The following GABRB3 variants were observed in gnomAD, a reference collection of about 807,000 sequenced individuals.
The protein encoded by GABRB3 is gamma-aminobutyric acid receptor subunit beta-3.
Under a neutral mutation model 52.1 loss-of-function variants are expected in GABRB3, and 14 were observed. The ratio of observed to expected loss-of-function variants is 0.27; its 90% CI spans 0.18 to 0.42. GABRB3 has a LOEUF of 0.42. Among genes scored for constraint, GABRB3 ranks in the 10% least tolerant of loss-of-function variants. The probability of loss-of-function intolerance (pLI) is 1.00; values close to 1 mark genes in which losing one functional copy is unlikely to be tolerated. For synonymous variants in GABRB3, 260 were observed against 232.3 expected, an observed-to-expected ratio of 1.12 and a Z score of -1.08; for missense variants, 307 against 609.1, an observed-to-expected ratio of 0.50 and a Z score of 5.22.
chr15:26,708,675 AAAAG>A (rs1889185928), intron 3 of GABRB3, among the ~76,000 whole-genome samples: 1 of 152,258 alleles, frequency 6.6e-6, no homozygotes, highest in Non-Finnish European at 1.5e-5. Flanking sequence ...CAGCATGTGC[AAAAG>A]ACCTGAAGTG....
In GABRB3 at chr15:26,728,312, T is replaced by C. The variant is rs151137410; in HGVS notation, c.240+44090A>G. ...AAATGAGCAAAGTGTCCCCTCCATG[T>C]ATTCTGGTTCCCACACATATGGAGA... On this transcript the variant is annotated intron_variant, in intron 3 of 8. Coordinates refer to ENST00000311550, the MANE Select transcript of GABRB3 (RefSeq NM_000814.6). Among the ~76,000 whole-genome samples the C allele has an allele frequency of 9.5e-4, 145 of 152,344 alleles. 1 individual carries two copies. Among genetic ancestry groups the C allele is most frequent in the African/African-American group, 3.3e-3 (136 of 41,582 alleles).
intron 3 of GABRB3, among the ~76,000 whole-genome samples, chr15:26,741,048 GT>G (rs1890194879): frequency 4.9e-5 from 1 of 20,340 alleles, no homozygotes; most frequent in Admixed American, 1.2e-3. Flanking sequence ...AGGAATAAGT[GT>G]GTGTGTGTGT....
intron 3 of GABRB3, among the ~76,000 whole-genome samples, chr15:26,648,756 G>A (rs868681166): frequency 3.9e-5 from 6 of 152,234 alleles, no homozygotes; most frequent in African/African-American, 1.2e-4. Context: ...TCAGCAGGGC[G>A]AGGCAGGAGA....
At chr15:26,643,091 ACT>A (rs1021163042) in intron 3 of GABRB3, among the ~76,000 whole-genome samples, 6 of 152,022 alleles carry the variant, frequency 3.9e-5, no homozygotes, top group East Asian at 1.9e-4. Flanking sequence ...TCCATTCTGC[ACT>A]CTGTCAGTTG....
chr15:26,772,368 G>C, intron 3 of GABRB3, 34 bp downstream of exon 3: 1 of 1,575,376 alleles, frequency 6.3e-7, no homozygotes, highest in South Asian at 1.1e-5. Flanking sequence ...CGGGCCGGGG[G>C]CTCAGGGACC....
chr15:26,609,715 G>A (rs1269382939), intron 4 of GABRB3, among the ~76,000 whole-genome samples: 1 of 152,164 alleles, frequency 6.6e-6, no homozygotes, highest in Admixed American at 6.6e-5. Flanking sequence ...CTATTGAAGA[G>A]CATGGTGAAT....
chr15:26,746,851 G>A lies in GABRB3; in HGVS notation c.240+25551C>T, dbSNP rs752674595. Among the ~76,000 whole-genome samples, 78 of 152,202 alleles carry A rather than the reference G, an allele frequency of 5.1e-4. 1 individual carries two copies. The highest frequency in any genetic ancestry group is 8.8e-4 in the Non-Finnish European group (60 of 68,006). On this transcript the variant is annotated intron_variant, in intron 3 of 8. Coordinates refer to ENST00000311550, the MANE Select transcript of GABRB3 (RefSeq NM_000814.6). The stretch of plus-strand genomic sequence containing the variant: ...AAATACAAAAAATTAGCCGGGCGTG[G>A]TGGCGGGCACCTGTAGTCCAGCTAA...
intron 3 of GABRB3, among the ~76,000 whole-genome samples, chr15:26,669,924 C>T (rs990294650): frequency 6.6e-6 from 1 of 152,220 alleles, no homozygotes; most frequent in Non-Finnish European, 1.5e-5. Context: ...GCCTTTTGGG[C>T]ATTCTCCTGA....
At chr15:26,702,621 A>G (rs1298032170) in intron 3 of GABRB3, among the ~76,000 whole-genome samples, 1 of 152,214 alleles carries the variant, frequency 6.6e-6, no homozygotes, top group Non-Finnish European at 1.5e-5. Context: ...ACATAAAATG[A>G]TACTATCACA....
rs1429874251 is a variant in GABRB3, at chr15:26,702,274, T to C, written c.240+70128A>G. On this transcript the variant is annotated intron_variant, in intron 3 of 8. Coordinates refer to ENST00000311550, the MANE Select transcript of GABRB3 (RefSeq NM_000814.6). ...TCTTTTGAAACATACAGTACACTGC[T>C]AAAAGAGGATGAAAACACAGACTGG... Among the ~76,000 whole-genome samples, 7 of 152,182 alleles carry C rather than the reference T, an allele frequency of 4.6e-5. 2 individuals carry two copies. In the South Asian group the frequency reaches 1.2e-3, roughly 27 times the overall value.
chr15:26,756,880 T>C (rs760351900), intron 3 of GABRB3, among the ~76,000 whole-genome samples: 4 of 152,134 alleles, frequency 2.6e-5, no homozygotes, highest in Non-Finnish European at 5.9e-5. Flanking sequence ...TGAAAACCCC[T>C]GGAGATTCTT....
chr15:26,710,714 A>G (rs1889264843), intron 3 of GABRB3, among the ~76,000 whole-genome samples: 1 of 152,226 alleles, frequency 6.6e-6, no homozygotes, highest in South Asian at 2.1e-4. Flanking sequence ...CCTAATACTT[A>G]GTATTGTCAA....
chr15:26,621,442 T>A lies in GABRB3; in HGVS notation c.333A>T (p.Arg111=). 6.2e-7 allele frequency: 1 copy of A among 1,614,118 alleles called. No homozygotes were observed. Residue 111 remains arginine, a synonymous_variant, in exon 4 of 9, where the codon CGA becomes CGT. Coordinates refer to ENST00000311550, the MANE Select transcript of GABRB3 (RefSeq NM_000814.6). The surrounding 1 kb of genome is among the most constrained non-coding windows in gnomAD (Gnocchi z 4.1). ...GIPLNLTLDN[R]VADQLWVPDT... Reference sequence around the variant, plus strand: ...CGGGCACCCATAGCTGGTCAGCCACTCGATTGTCAAGCGTGAGGTTGAGAG... The same window carrying A: ...CGGGCACCCATAGCTGGTCAGCCACACGATTGTCAAGCGTGAGGTTGAGAG...
intron 3 of GABRB3, among the ~76,000 whole-genome samples, chr15:26,700,789 C>T (rs1828101397): frequency 6.6e-6 from 1 of 152,244 alleles, no homozygotes. Flanking sequence ...GGTACAGTGG[C>T]TCACGCCTGT....
intron 3 of GABRB3, among the ~76,000 whole-genome samples, chr15:26,705,296 A>G (rs982166112): frequency 6.6e-5 from 10 of 152,192 alleles, no homozygotes; most frequent in African/African-American, 2.2e-4. Flanking sequence ...ATCTGATCTC[A>G]TTCACAGGGA....
chr15:26,764,231 T>C (rs1890931683), intron 3 of GABRB3, among the ~76,000 whole-genome samples: 1 of 114,170 alleles, frequency 8.8e-6, no homozygotes, highest in Non-Finnish European at 1.7e-5. Flanking sequence ...TATATATATA[T>C]ATATAGTGTC....
chr15:26,601,661 G>A (rs1891593985), intron 4 of GABRB3, among the ~76,000 whole-genome samples: 1 of 152,102 alleles, frequency 6.6e-6, no homozygotes, highest in African/African-American at 2.4e-5. Context: ...TGTTTTGTTT[G>A]TTCATGCAAT....
intron 3 of GABRB3, among the ~76,000 whole-genome samples, chr15:26,682,498 GC>G (rs1888270379): frequency 6.6e-6 from 1 of 152,192 alleles, no homozygotes; most frequent in Non-Finnish European, 1.5e-5. Flanking sequence ...GCACGGGACA[GC>G]CCCCGAGCTT....
At chr15:26,576,938 T>C (rs1567122683) in intron 6 of GABRB3, among the ~76,000 whole-genome samples, 2 of 152,198 alleles carry the variant, frequency 1.3e-5, no homozygotes, top group Non-Finnish European at 2.9e-5. Flanking sequence ...TTATCCTAGA[T>C]TGCTAATGCC....
Sources: gnomAD v4.1 joint callset for allele counts (sites outside exome capture counted in the v4.1 genomes callset) on GRCh38, gnomAD v4.1.1 for gene constraint, Gnocchi (gnomAD v3.1) non-coding constraint, MANE v1.5 for transcripts, NCBI Gene and HGNC (gene_info 2026-07-23, HGNC 2026-07-21) for gene names.